Variants in RMST observed in about 807,000 individuals in gnomAD.
RMST encodes long intergenic non-protein coding RNA 54.
At chr12:97,556,590 A>G (rs1012513175) in intron 11 of RMST, among the ~76,000 whole-genome samples, 1 of 152,196 alleles carries the variant, frequency 6.6e-6, no homozygotes, top group Non-Finnish European at 1.5e-5. Flanking sequence ...GGACACACCA[A>G]ATTCAATAGC....
intron 11 of RMST, among the ~76,000 whole-genome samples, chr12:97,550,880 T>C (rs963983095): frequency 1.3e-5 from 2 of 152,162 alleles, no homozygotes; most frequent in Non-Finnish European, 2.9e-5. Context: ...CATTGATCCA[T>C]TCATCCAGGT....
chr12:97,529,944 T>A (rs1565932718), intron 10 of RMST, among the ~76,000 whole-genome samples: 2 of 152,134 alleles, frequency 1.3e-5, no homozygotes, highest in Non-Finnish European at 2.9e-5. Context: ...CTAAATTAGT[T>A]TTCTAATGTT....
chr12:97,511,888 A>G (rs1390108627), intron 10 of RMST, among the ~76,000 whole-genome samples: 1 of 152,202 alleles, frequency 6.6e-6, no homozygotes, highest in Non-Finnish European at 1.5e-5. Flanking sequence ...ACCTGTTGGT[A>G]TAGTTTTAGC....
At chr12:97,534,531 A>T (rs2136601164) in intron 11 of RMST, among the ~76,000 whole-genome samples, 1 of 151,840 alleles carries the variant, frequency 6.6e-6, no homozygotes, top group Non-Finnish European at 1.5e-5. Flanking sequence ...TATTAGAGAA[A>T]ATCATGGGTT....
At chr12:97,564,404 G>GA in exon 14 of RMST, 1 of 155,608 alleles carries the variant, frequency 6.4e-6, no homozygotes, top group Admixed American at 6.3e-5. Flanking sequence ...ATGTAAGGGT[G>GA]TGGTACAATG....
intron 6 of RMST, chr12:97,493,124 G>C (rs777528682): frequency 6.6e-6 from 1 of 152,506 alleles, no homozygotes; most frequent in Non-Finnish European, 1.5e-5. Flanking sequence ...GCTTAATAAC[G>C]TATGCTTAAT....
intron 10 of RMST, among the ~76,000 whole-genome samples, chr12:97,508,796 G>A (rs559506241): frequency 8.5e-5 from 13 of 152,274 alleles, no homozygotes; most frequent in Non-Finnish European, 1.3e-4. Flanking sequence ...AAGGACAGGA[G>A]GCCAAAATAT....
chr12:97,499,201 T>C (rs1201810318), intron 10 of RMST, among the ~76,000 whole-genome samples: 1 of 152,240 alleles, frequency 6.6e-6, no homozygotes, highest in Non-Finnish European at 1.5e-5. Flanking sequence ...CTGTAATCCT[T>C]TGAACATTTT....
At chr12:97,468,344 T>C (rs1873443313) in intron 5 of RMST, among the ~76,000 whole-genome samples, 1 of 152,042 alleles carries the variant, frequency 6.6e-6, no homozygotes, top group Admixed American at 6.6e-5. Context: ...AATCTCTTTT[T>C]CAAGAGAAGG....
At chr12:97,504,687 G>A (rs956353484) in intron 10 of RMST, among the ~76,000 whole-genome samples, 2 of 152,100 alleles carry the variant, frequency 1.3e-5, no homozygotes, top group African/African-American at 4.8e-5. Flanking sequence ...AAGAAAAAAG[G>A]AGTCCTTAGA....
intron 11 of RMST, chr12:97,533,697 T>C (rs1592756500): frequency 6.6e-6 from 1 of 151,866 alleles, no homozygotes; most frequent in Non-Finnish European, 1.5e-5. Context: ...TCCCACCACA[T>C]AGTGAATGTG....
chr12:97,468,682 G>A (rs918383181), intron 5 of RMST, among the ~76,000 whole-genome samples: 1 of 151,916 alleles, frequency 6.6e-6, no homozygotes, highest in Non-Finnish European at 1.5e-5. Flanking sequence ...TAATTATCAC[G>A]ATCTCAAGTG....
Position 97,502,473 on chromosome 12 carries a change from AT to A in RMST, n.1340+6425del, listed in dbSNP as rs548682934. Among the ~76,000 whole-genome samples, 6 of 151,932 alleles carry A rather than the reference AT, an allele frequency of 3.9e-5. No individual in the cohort carries two copies. The South Asian group carries it at 1.3e-3, about 32-fold the overall frequency. On this transcript the variant is annotated intron_variant and non_coding_transcript_variant, in intron 10 of 13. Transcript: ENST00000640149. The stretch of plus-strand genomic sequence containing the variant: ...ATTGTAGCATCTGCTATAATAAATG[AT>A]TTTTTTTGAGACAATCTCACTCTGC...
intron 11 of RMST, among the ~76,000 whole-genome samples, chr12:97,541,724 AAAAAAG>A (rs911368652): frequency 4.8e-5 from 7 of 144,876 alleles, no homozygotes; most frequent in Admixed American, 1.4e-4. Context: ...CAGATTTAAA[AAAAAAG>A]AAAAAGAAAA....
At chr12:97,489,581 A>T (rs988687547) in intron 5 of RMST, among the ~76,000 whole-genome samples, 2 of 152,246 alleles carry the variant, frequency 1.3e-5, no homozygotes, top group African/African-American at 4.8e-5. Context: ...GAATAAAATT[A>T]CTTGTGAAAA....
intron 10 of RMST, among the ~76,000 whole-genome samples, chr12:97,499,067 CA>C: frequency 6.6e-6 from 1 of 152,290 alleles, no homozygotes; most frequent in South Asian, 2.1e-4. Context: ...CTGACATCCT[CA>C]AAGGCTGCCT....
intron 7 of RMST, chr12:97,493,342 A>G (rs144164041): frequency 4.3e-4 from 66 of 152,774 alleles, no homozygotes; most frequent in Non-Finnish European, 6.6e-4. Flanking sequence ...CACAATTAAC[A>G]GAGGCTAAGT....
chr12:97,533,619 C>G (rs900915116), intron 11 of RMST: 4 of 151,806 alleles, frequency 2.6e-5, no homozygotes, highest in African/African-American at 9.7e-5. Flanking sequence ...CTTCAAAAAA[C>G]TGTTTCCATT....
intron 11 of RMST, among the ~76,000 whole-genome samples, chr12:97,552,945 A>G (rs1883403990): frequency 6.6e-6 from 1 of 152,174 alleles, no homozygotes; most frequent in Non-Finnish European, 1.5e-5. Context: ...TGAGCCTACA[A>G]AAGGCAGGTG....
Sources: allele counts gnomAD v4.1 joint callset (sites outside exome capture counted in the v4.1 genomes callset), GRCh38; gene constraint gnomAD v4.1.1; transcripts MANE v1.5; gene names NCBI Gene and HGNC (gene_info 2026-07-23, HGNC 2026-07-21).